Variants in TSPEAR observed in about 807,000 individuals in gnomAD.
The protein encoded by TSPEAR is thrombospondin type laminin G domain and EAR repeats, also known as thrombospondin-type laminin G domain and EAR repeat-containing protein.
In TSPEAR, 69 loss-of-function variants were observed where a neutral mutation model predicts 71.6. That is an observed-to-expected ratio of 0.96 (90% CI 0.79 to 1.18). The LOEUF is 1.18. Ranked by LOEUF, TSPEAR falls within the 50% of genes most tolerant of loss-of-function variation. The pLI, the probability that TSPEAR is intolerant of heterozygous loss-of-function variation, is 0.00. For synonymous variants in TSPEAR, 402 were observed against 387.2 expected (o/e 1.04, Z -0.45); for missense variants, 971 against 894.9 (o/e 1.09, Z -1.09).
At position 44,540,331 on chromosome 21, in the gene TSPEAR, G is replaced by A. The variant is rs587701783; in HGVS notation, c.304-6408C>T. On this transcript the variant is annotated intron_variant, in intron 2 of 11. Transcript: ENST00000323084. ...GTCCCCTTCCTGGTTGCTGAGAGGT[G>A]GCGTGTGTCATGACTAGGGATGTTT... is the stretch of plus-strand genomic sequence containing the variant. The A allele has an allele frequency of 3.9e-6, 4 of 1,022,092 alleles. No individual in the cohort carries two copies. The South Asian group carries it at 4.9e-5, about 13-fold the overall frequency. 63.3% of individuals were successfully genotyped at this position (1,022,092 alleles called of 1,614,324 possible). A position where few individuals can be genotyped will look rare whatever the true frequency, so the allele number is the denominator to read the frequency against.
chr21:44,663,525 T>C (rs1985603463), intron 1 of TSPEAR, among the ~76,000 whole-genome samples: 1 of 151,986 alleles, frequency 6.6e-6, no homozygotes, highest in African/African-American at 2.4e-5. Context: ...ACCAAACATT[T>C]AAAGAGGAAA....
rs1352231676 is a variant in TSPEAR at position 44,593,174 on chromosome 21, C to G, written c.83-25169G>C. On this transcript the variant is annotated intron_variant, in intron 1 of 11. Coordinates refer to ENST00000323084, the MANE Select transcript of TSPEAR (RefSeq NM_144991.3). The surrounding 1 kb of genome is among the most constrained non-coding windows in gnomAD (Gnocchi z 5.9). Reference sequence around the variant, plus strand: ...CCTCCCTGCTTGGACAGCATGACAGCCTTCTGGGCTGTGGTTTTGGGTTCT... The same window carrying G: ...CCTCCCTGCTTGGACAGCATGACAGGCTTCTGGGCTGTGGTTTTGGGTTCT... Among the ~76,000 whole-genome samples the G allele has an allele frequency of 6.6e-6, 1 of 152,194 alleles. No homozygotes were observed. The highest frequency in any genetic ancestry group is 1.5e-5 in the Non-Finnish European group (1 of 68,034).
At position 44,627,177 on chromosome 21, in the gene TSPEAR, C is replaced by A. The variant is rs782605371; in HGVS notation, c.83-59172G>T. The stretch of plus-strand genomic sequence containing the variant: ...CACCTCCTCCCCACCCCAGCATGGC[C>A]GCGTCCACCATGTCCATCCGCTCCA... On this transcript the variant is annotated intron_variant, in intron 1 of 11. Coordinates refer to ENST00000323084, the MANE Select transcript of TSPEAR (RefSeq NM_144991.3). The A allele has an allele frequency of 3.1e-5, 50 of 1,612,104 alleles. No homozygotes were observed. The South Asian group carries it at 5.3e-4, about 17-fold the overall frequency.
At chr21:44,545,356 G>T (rs587764474) in intron 2 of TSPEAR, among the ~76,000 whole-genome samples, 160 of 151,076 alleles carry the variant, frequency 1.1e-3, no homozygotes, top group Admixed American at 3.5e-3. Flanking sequence ...AAAAAAAAAA[G>T]AATTAAATTG....
At chr21:44,708,394 A>C (rs190370767) in intron 1 of TSPEAR, among the ~76,000 whole-genome samples, 1 of 151,902 alleles carries the variant, frequency 6.6e-6, no homozygotes, top group Admixed American at 6.5e-5. Flanking sequence ...AAGGACCAGG[A>C]CTCCCCAGCA....
intron 1 of TSPEAR, chr21:44,591,495 G>T (rs1555926523): frequency 6.2e-7 from 1 of 1,614,094 alleles, no homozygotes; most frequent in Admixed American, 1.7e-5. Flanking sequence ...AGCTGGGCTG[G>T]CAGGAGGAGG....
At chr21:44,533,033 C>T (rs868959237) in intron 3 of TSPEAR, among the ~76,000 whole-genome samples, 7 of 152,232 alleles carry the variant, frequency 4.6e-5, no homozygotes, top group African/African-American at 1.2e-4. Flanking sequence ...CCCACAGTGC[C>T]GGTCCCCTGC....
intron 1 of TSPEAR, among the ~76,000 whole-genome samples, chr21:44,661,613 A>T (rs142326938): frequency 0.013 from 2,000 of 152,290 alleles, 53 homozygotes; most frequent in African/African-American, 0.046. Context: ...AAGGAGGTTT[A>T]ATTGGCTCAC....
At chr21:44,611,151 G>A (rs1054399962) in intron 1 of TSPEAR, among the ~76,000 whole-genome samples, 3 of 152,150 alleles carry the variant, frequency 2.0e-5, no homozygotes, top group African/African-American at 2.4e-5. Context: ...GGGAAGGCAT[G>A]ACTGGTTTTG....
chr21:44,568,923 G>A (rs1477676892), intron 1 of TSPEAR, among the ~76,000 whole-genome samples: 2 of 152,156 alleles, frequency 1.3e-5, no homozygotes, highest in Non-Finnish European at 1.5e-5. Context: ...CTTCCCCCAC[G>A]TGCCCATCCT....
intron 1 of TSPEAR, chr21:44,579,442 C>A: frequency 2.0e-6 from 1 of 491,340 alleles, no homozygotes; most frequent in Non-Finnish European, 3.7e-6. Context: ...AGGAGCACTA[C>A]AGAAAAAGAG....
At chr21:44,708,233 G>A (rs1345423978) in intron 1 of TSPEAR, among the ~76,000 whole-genome samples, 2 of 152,056 alleles carry the variant, frequency 1.3e-5, no homozygotes, top group Admixed American at 1.3e-4. Flanking sequence ...GTGGGGAGCT[G>A]GGCCCCCTGG....
Position 44,670,256 on chromosome 21 carries a change from TG to T in TSPEAR, c.82+41176del, listed in dbSNP as rs587610141. ...AGGTAGTGGGTTCATGGTTCATAGG[TG>T]GGGGGGTTGTTATAATCATTAATAA... On this transcript the variant is annotated intron_variant, in intron 1 of 11. Coordinates refer to ENST00000323084, the MANE Select transcript of TSPEAR (RefSeq NM_144991.3). 5.9e-5 allele frequency among the ~76,000 whole-genome samples: 9 copies of T among 151,970 alleles called. No homozygotes were observed. In the South Asian group the frequency reaches 8.3e-4, roughly 14 times the overall value.
rs147904376 is a variant in TSPEAR at position 44,533,808 on chromosome 21, G to T, written c.419C>A (p.Ala140Asp). The stretch of plus-strand genomic sequence containing the variant: ...GCGGAAGGACACTCGGGTCTGCCAG[G>T]CGCCGGCCGTGTCCTCGCGAAGGAA... ...FLFLREDTAG[A>D]WQTRVSFRSP... is the part of the protein sequence containing the mutation. Residue 140 changes from alanine to aspartate, a missense_variant, in exon 3 of 12, where the codon GCC becomes GAC. Physicochemically the swap from Ala to Asp is moderately radical, Grantham distance 126. Transcript: ENST00000323084. The T allele has an allele frequency of 4.5e-5, 73 of 1,612,394 alleles. 2 individuals carry two copies. The African/African-American group carries it at 8.1e-4, about 18-fold the overall frequency.
At chr21:44,616,643 G>A (rs1176845065) in intron 1 of TSPEAR, among the ~76,000 whole-genome samples, 2 of 152,198 alleles carry the variant, frequency 1.3e-5, no homozygotes, top group Non-Finnish European at 2.9e-5. Flanking sequence ...CCTGGAACCC[G>A]AGACCCTGCC....
intron 1 of TSPEAR, chr21:44,697,636 C>T (rs782691956): frequency 2.5e-6 from 4 of 1,614,056 alleles, no homozygotes; most frequent in South Asian, 1.1e-5. Flanking sequence ...GCATCTCCTC[C>T]CCGTGTCAAC....
intron 1 of TSPEAR, chr21:44,682,151 G>A: frequency 6.2e-7 from 1 of 1,607,984 alleles, no homozygotes. Context: ...TAAGGTCGAG[G>A]CAGAGGGCAG....
Position 44,525,758 on chromosome 21 carries a change from G to T in TSPEAR, c.1231C>A (p.Leu411Met), listed in dbSNP as rs1044773388. 3.1e-6 allele frequency: 5 copies of T among 1,614,184 alleles called. No individual in the cohort carries two copies. Among genetic ancestry groups the T allele is most frequent in the Non-Finnish European group, 3.4e-6 (4 of 1,180,034 alleles). ...ATGCTCTGATATGGGGTAAACTTCA[G>T]CTTTCTGTGGCTCCATTTGTAAATG... Reference protein sequence around the residue: ...SVIYKWSHRKLKFTPYQSIAT... With the variant: ...SVIYKWSHRKMKFTPYQSIAT... Residue 411 changes from leucine to methionine, a missense_variant, in exon 8 of 12, where the codon CTG (leucine) becomes ATG (methionine). By Grantham distance (15) the Leu-to-Met change is conservative. Transcript: ENST00000323084.
intron 1 of TSPEAR, among the ~76,000 whole-genome samples, chr21:44,605,889 A>G (rs1555929729): frequency 6.6e-6 from 1 of 152,222 alleles, no homozygotes; most frequent in Non-Finnish European, 1.5e-5. Flanking sequence ...ACATTGGTCC[A>G]GGCAATTATT....
Sources: gnomAD v4.1 joint callset for allele counts (sites outside exome capture counted in the v4.1 genomes callset) on GRCh38, gnomAD v4.1.1 for gene constraint, Gnocchi (gnomAD v3.1) non-coding constraint, MANE v1.5 for transcripts, NCBI Gene and HGNC (gene_info 2026-07-23, HGNC 2026-07-21) for gene names.